RBFOX1: variants seen among roughly 807,000 people sequenced by gnomAD.
RBFOX1 encodes the protein RNA binding protein fox-1 homolog 1.
A neutral mutation model predicts 57.7 loss-of-function variants in RBFOX1; 8 were observed. The observed-to-expected ratio is 0.14, with a 90% CI of 0.08 to 0.25. RBFOX1 has a LOEUF of 0.25. Ranked by LOEUF, RBFOX1 falls within the 10% of genes least tolerant of loss-of-function variation. The probability of loss-of-function intolerance (pLI) is 1.00; values close to 1 mark genes in which losing one functional copy is unlikely to be tolerated. For missense variants in RBFOX1, 611 were observed against 548.5 expected, an observed-to-expected ratio of 1.11 and a Z score of -1.14; for synonymous variants, 326 against 222.4, an observed-to-expected ratio of 1.47 and a Z score of -4.15.
chr16:6,060,650 C>A (rs1309592616), intron 1 of RBFOX1, among the ~76,000 whole-genome samples: 1 of 152,122 alleles, frequency 6.6e-6, no homozygotes, highest in Admixed American at 6.5e-5. Flanking sequence ...AATCCTTTGG[C>A]TGCAAGTAAC....
At chr16:6,961,621 T>A (rs1403426248) in intron 3 of RBFOX1, among the ~76,000 whole-genome samples, 2 of 152,138 alleles carry the variant, frequency 1.3e-5, no homozygotes, top group African/African-American at 4.8e-5. Flanking sequence ...CTATTATGGT[T>A]ATTTCTTGAT....
intron 1 of RBFOX1, among the ~76,000 whole-genome samples, chr16:5,284,474 C>T (rs1231540716): frequency 2.0e-5 from 3 of 150,860 alleles, no homozygotes; most frequent in Admixed American, 6.6e-5. Flanking sequence ...TTAAGCATTT[C>T]TTGTAGGACC....
intron 2 of RBFOX1, among the ~76,000 whole-genome samples, chr16:6,532,846 C>G (rs988506978): frequency 3.3e-5 from 5 of 152,196 alleles, no homozygotes; most frequent in Non-Finnish European, 5.9e-5. Flanking sequence ...GCAAAGATCT[C>G]AGACTTTCCA....
intron 1 of RBFOX1, among the ~76,000 whole-genome samples, chr16:6,096,214 C>T (rs1027847461): frequency 6.6e-6 from 1 of 152,040 alleles, no homozygotes; most frequent in Non-Finnish European, 1.5e-5. Context: ...AGAGCATTGT[C>T]CTGCTGAATT....
chr16:7,123,475 C>T (rs139773430), intron 4 of RBFOX1, among the ~76,000 whole-genome samples: 7 of 152,278 alleles, frequency 4.6e-5, no homozygotes, highest in Admixed American at 1.3e-4. Flanking sequence ...GGTGATCCTC[C>T]TGCCTTAGCT....
At chr16:5,553,800 A>C (rs1284751309) in intron 2 of RBFOX1, among the ~76,000 whole-genome samples, 1 of 150,316 alleles carries the variant, frequency 6.7e-6, no homozygotes, top group Non-Finnish European at 1.5e-5. Flanking sequence ...AAACATGTAT[A>C]CTACTATAGA....
chr16:7,442,734 G>A (rs1166305928), intron 4 of RBFOX1, among the ~76,000 whole-genome samples: 1 of 152,150 alleles, frequency 6.6e-6, no homozygotes, highest in Non-Finnish European at 1.5e-5. Context: ...TTGTCAACCG[G>A]AACGAGAAAG....
chr16:7,000,602 T>TC lies in RBFOX1; in HGVS notation c.-15-51455_-15-51454insC, dbSNP rs1379967690. ...TTTTTCTTTCTTTTTCTTTCTTTTT[T>TC]TTTTTTTTTTTTTTTGAGACAGAGT... is the stretch of plus-strand genomic sequence containing the variant. On this transcript the variant is annotated intron_variant, in intron 3 of 15. Transcript: ENST00000550418. 8.3e-3 allele frequency among the ~76,000 whole-genome samples: 1,085 copies of TC among 131,068 alleles called. 26 individuals are homozygous for TC. Among genetic ancestry groups the TC allele is most frequent in the African/African-American group, 0.03 (1,017 of 33,542 alleles). The allele number at this position is 131,068 out of a possible 152,430, so 86.0% of individuals were successfully genotyped here. A position where few individuals can be genotyped will look rare whatever the true frequency, so the allele number is the denominator to read the frequency against.
At chr16:5,285,167 C>G (rs1425407389) in intron 1 of RBFOX1, among the ~76,000 whole-genome samples, 1 of 152,042 alleles carries the variant, frequency 6.6e-6, no homozygotes, top group Non-Finnish European at 1.5e-5. Flanking sequence ...TTCTTTTTGT[C>G]TGACTGGATT....
intron 2 of RBFOX1, among the ~76,000 whole-genome samples, chr16:5,550,949 A>G (rs1417000855): frequency 6.6e-6 from 1 of 152,184 alleles, no homozygotes; most frequent in Non-Finnish European, 1.5e-5. Flanking sequence ...CTGATGGGCA[A>G]GGGAAGGTTA....
At chr16:7,517,286 C>G (rs1287917904) in intron 4 of RBFOX1, among the ~76,000 whole-genome samples, 1 of 151,218 alleles carries the variant, frequency 6.6e-6, no homozygotes, top group Non-Finnish European at 1.5e-5. Flanking sequence ...TTTTAAAATT[C>G]TTCTGAGTTG....
intron 4 of RBFOX1, among the ~76,000 whole-genome samples, chr16:7,062,892 C>CTTTTTTTTTTT (rs1491558284): frequency 5.0e-5 from 3 of 59,930 alleles, no homozygotes; most frequent in African/African-American, 1.1e-4. Context: ...AAATGATCGC[C>CTTTTTTTTTTT]ATTTTTTTTT....
intron 2 of RBFOX1, among the ~76,000 whole-genome samples, chr16:6,450,781 ATATATATACATATATATATG>A (rs2094580748): frequency 8.2e-5 from 4 of 48,932 alleles, no homozygotes; most frequent in Admixed American, 6.4e-4. Flanking sequence ...ATATATATAT[ATATATATACATATATATATG>A]TATATATATA....
At chr16:5,558,571 T>G (rs578244839) in intron 2 of RBFOX1, among the ~76,000 whole-genome samples, 41 of 152,250 alleles carry the variant, frequency 2.7e-4, no homozygotes, top group African/African-American at 9.4e-4. Context: ...ACAAAGTAGA[T>G]AATCTGAATT....
intron 1 of RBFOX1, among the ~76,000 whole-genome samples, chr16:5,362,396 C>G (rs950853895): frequency 6.6e-6 from 1 of 152,136 alleles, no homozygotes; most frequent in Non-Finnish European, 1.5e-5. Context: ...GAGTTTCGCT[C>G]TTGTTGCCCA....
At chr16:5,678,572 T>G (rs902111701) in intron 3 of RBFOX1, among the ~76,000 whole-genome samples, 29 of 152,258 alleles carry the variant, frequency 1.9e-4, no homozygotes, top group African/African-American at 7.0e-4. Flanking sequence ...TGGTGCTGGA[T>G]GGTTACGTGG....
intron 4 of RBFOX1, among the ~76,000 whole-genome samples, chr16:7,127,256 G>A (rs192814412): frequency 6.6e-6 from 1 of 152,246 alleles, no homozygotes; most frequent in African/African-American, 2.4e-5. Flanking sequence ...TGTATCCATG[G>A]TGTTGTCAGC....
chr16:6,271,669 T>C (rs1441147517), intron 1 of RBFOX1, among the ~76,000 whole-genome samples: 1 of 152,136 alleles, frequency 6.6e-6, no homozygotes, highest in East Asian at 1.9e-4. Flanking sequence ...ATACCGTAAA[T>C]AACTCCACAA....
chr16:5,889,231 T>TCTC (rs1365634695), intron 4 of RBFOX1, among the ~76,000 whole-genome samples: 15 of 152,084 alleles, frequency 9.9e-5, no homozygotes, highest in Admixed American at 9.8e-4. Context: ...CTCCTGATGC[T>TCTC]CTCCCTCCCC....
Sources: allele counts gnomAD v4.1 joint callset (sites outside exome capture counted in the v4.1 genomes callset), GRCh38; gene constraint gnomAD v4.1.1; transcripts MANE v1.5; gene names NCBI Gene and HGNC (gene_info 2026-07-23, HGNC 2026-07-21).